FAM193A: variants seen among roughly 807,000 people sequenced by gnomAD.
FAM193A encodes protein FAM193A.
FAM193A carries 22 observed loss-of-function variants against 126.5 expected under a neutral mutation model. The observed-to-expected ratio is 0.17, with a 90% CI of 0.12 to 0.25. The LOEUF (loss-of-function observed/expected upper bound fraction) is 0.25, where lower values mean the gene tolerates loss of function less well. Among genes scored for constraint, FAM193A ranks in the 10% least tolerant of loss-of-function variants. The pLI is 1.00. For missense variants in FAM193A, 1,675 were observed against 1,672.8 expected, an observed-to-expected ratio of 1.00 and a Z score of -0.02; for synonymous variants, 761 against 646.8, an observed-to-expected ratio of 1.18 and a Z score of -2.68.
intron 1 of FAM193A, among the ~76,000 whole-genome samples, chr4:2,541,706 A>G (rs965847901): frequency 1.6e-4 from 24 of 152,164 alleles, no homozygotes; most frequent in African/African-American, 5.5e-4. Context: ...GGCCTCCCAA[A>G]GTGCTGGGAT....
intron 1 of FAM193A, among the ~76,000 whole-genome samples, chr4:2,578,551 A>C (rs544251821): frequency 6.6e-6 from 1 of 152,102 alleles, no homozygotes; most frequent in African/African-American, 2.4e-5. Context: ...GTTTTCAGTC[A>C]TTCTTGTACT....
intron 13 of FAM193A, among the ~76,000 whole-genome samples, chr4:2,675,437 G>A (rs1379988363): frequency 6.6e-6 from 1 of 152,002 alleles, no homozygotes; most frequent in Non-Finnish European, 1.5e-5. Flanking sequence ...TGTTATTAGC[G>A]GCACACACAT....
chr4:2,593,511 A>G (rs1560466537), intron 1 of FAM193A, among the ~76,000 whole-genome samples: 1 of 152,090 alleles, frequency 6.6e-6, no homozygotes, highest in Admixed American at 6.5e-5. Context: ...TCACTATTTA[A>G]TTAGTTAATT....
chr4:2,731,713 C>G, intron 20 of FAM193A, 62 bp from the exon 21 acceptor site: 1 of 1,333,450 alleles, frequency 7.5e-7, no homozygotes, highest in Admixed American at 1.7e-5. Context: ...TGGGCTTTGC[C>G]AAGCACCAGC....
chr4:2,613,455 G>A (rs931509033), intron 2 of FAM193A, among the ~76,000 whole-genome samples: 1 of 146,370 alleles, frequency 6.8e-6, no homozygotes, highest in African/African-American at 2.5e-5. Flanking sequence ...CTTTTGGTAG[G>A]TTTCTTTTTT....
At chr4:2,622,336 T>C (rs1198469394) in intron 2 of FAM193A, among the ~76,000 whole-genome samples, 1 of 150,404 alleles carries the variant, frequency 6.6e-6, no homozygotes, top group African/African-American at 2.5e-5. Flanking sequence ...TGTTAAGTGA[T>C]GGCAGGAGTC....
chr4:2,554,745 G>A lies in FAM193A; in HGVS notation c.255+17575G>A, dbSNP rs368850200. Among the ~76,000 whole-genome samples the A allele has an allele frequency of 6.1e-4, 93 of 152,206 alleles. 1 individual carries two copies. The South Asian group carries it at 0.019, about 31-fold the overall frequency. Reference sequence around the variant, plus strand: ...TTTATTTAGCTTTTGCTTCATGTATGTTTGAAGCTGTGTTTGATGCATATA... The same window carrying A: ...TTTATTTAGCTTTTGCTTCATGTATATTTGAAGCTGTGTTTGATGCATATA... On this transcript the variant is annotated intron_variant, in intron 1 of 20. Coordinates refer to ENST00000637812, the MANE Select transcript of FAM193A (RefSeq NM_001366318.2).
intron 1 of FAM193A, among the ~76,000 whole-genome samples, chr4:2,557,947 G>A (rs1237376380): frequency 1.5e-4 from 22 of 149,570 alleles, no homozygotes; most frequent in Admixed American, 9.4e-4. Flanking sequence ...GTGAGACTCC[G>A]TCTCAAAAAA....
At chr4:2,616,380 T>G (rs993397987) in intron 2 of FAM193A, among the ~76,000 whole-genome samples, 24 of 152,172 alleles carry the variant, frequency 1.6e-4, no homozygotes, top group African/African-American at 5.5e-4. Flanking sequence ...TTATCATCTC[T>G]TGTAGCTTAG....
intron 6 of FAM193A, among the ~76,000 whole-genome samples, chr4:2,641,387 G>A (rs775079775): frequency 7.9e-5 from 12 of 151,972 alleles, no homozygotes; most frequent in Non-Finnish European, 1.8e-4. Flanking sequence ...GGACTGGTAC[G>A]GTGGCTCACA....
chr4:2,720,039 C>G, intron 20 of FAM193A: 1 of 182,260 alleles, frequency 5.5e-6, no homozygotes, highest in Non-Finnish European at 1.2e-5. Flanking sequence ...AAGTGATCTG[C>G]CCACCTCAGC....
chr4:2,673,587 T>C (rs918194068), intron 13 of FAM193A, among the ~76,000 whole-genome samples: 1 of 152,230 alleles, frequency 6.6e-6, no homozygotes, highest in African/African-American at 2.4e-5. Context: ...AGAATGCTTT[T>C]TAATAACATT....
intron 1 of FAM193A, among the ~76,000 whole-genome samples, chr4:2,566,942 CTT>C (rs71644339): frequency 4.3e-5 from 6 of 138,862 alleles, no homozygotes; most frequent in Non-Finnish European, 6.3e-5. Flanking sequence ...ATTTCTTTTT[CTT>C]TTTTTTTTTT....
chr4:2,586,496 T>C (rs550136156), intron 1 of FAM193A, among the ~76,000 whole-genome samples: 2 of 152,172 alleles, frequency 1.3e-5, no homozygotes, highest in Non-Finnish European at 1.5e-5. Flanking sequence ...GGCCATTCTT[T>C]CCATAGTATT....
At position 2,672,366 on chromosome 4, in the gene FAM193A, C is replaced by T; in HGVS notation, c.2325C>T (p.His775=). 6.2e-7 allele frequency: 1 copy of T among 1,614,108 alleles called. No homozygotes were observed. The highest frequency in any genetic ancestry group is 8.5e-7 in the Non-Finnish European group (1 of 1,179,958). ...PTLYATPPFT[H]SKALPPAPVQ... is the part of the protein sequence containing the mutation. ...TGTATGCAACGCCCCCCTTCACACA[C>T]AGTAAGGTAAGTCAGGGCAAAAAGG... Residue 775 remains histidine, a synonymous_variant, in exon 13 of 21, where the codon CAC becomes CAT. Transcript: ENST00000637812.
rs1447985894 is a variant in FAM193A, at chr4:2,662,858, T to C, written c.1766T>C (p.Val589Ala). The C allele has an allele frequency of 9.9e-6, 16 of 1,610,854 alleles. No homozygotes were observed. Among genetic ancestry groups the C allele is most frequent in the African/African-American group, 2.7e-5 (2 of 74,854 alleles). Residue 589 changes from valine (V) to alanine (A), a missense_variant, in exon 11 of 21, where the codon GTT becomes GCT. Val to Ala is a moderately conservative substitution (Grantham distance 64). Around this residue, in one of 4 missense-constraint regions of FAM193A, gnomAD observed 1,186 missense variants for 1,109.2 expected, o/e 1.07. Coordinates refer to ENST00000637812, the MANE Select transcript of FAM193A (RefSeq NM_001366318.2). ...GTCAGTTGTAGTGATGATGAAGATG[T>C]TGCACCATTGTCAGCCAAATTTGCT... ...APTFCSDDED[V>A]APLSAKFADI...
intron 2 of FAM193A, among the ~76,000 whole-genome samples, chr4:2,597,991 G>A (rs1464615225): frequency 1.3e-5 from 2 of 151,956 alleles, no homozygotes; most frequent in East Asian, 3.9e-4. Context: ...TGCAACCTCC[G>A]CCTCCCGGGT....
At chr4:2,618,591 C>CTTT (rs34641526) in intron 2 of FAM193A, among the ~76,000 whole-genome samples, 8 of 79,842 alleles carry the variant, frequency 1.0e-4, no homozygotes, top group African/African-American at 2.6e-4. Context: ...CCATGCCCGG[C>CTTT]TTTTTTTTTT....
chr4:2,708,788 C>T (rs1449478596), intron 19 of FAM193A, among the ~76,000 whole-genome samples: 5 of 152,104 alleles, frequency 3.3e-5, no homozygotes, highest in African/African-American at 1.2e-4. Context: ...ATATATTTTA[C>T]TTTACTGAAT....
Sources: gnomAD v4.1 joint callset for allele counts (sites outside exome capture counted in the v4.1 genomes callset) on GRCh38, gnomAD v4.1.1 for gene constraint, gnomAD v4.1.1 regional missense constraint, MANE v1.5 for transcripts, NCBI Gene and HGNC (gene_info 2026-07-23, HGNC 2026-07-21) for gene names.